Variants in MTMR4 observed in about 807,000 individuals in gnomAD.
The protein encoded by MTMR4 is myotubularin related protein 4, also known as phosphatidylinositol-3,5-bisphosphate 3-phosphatase MTMR4.
In MTMR4, 30 loss-of-function variants were observed where a neutral mutation model predicts 125.5. The ratio of observed to expected loss-of-function variants is 0.24; its 90% CI spans 0.18 to 0.32. MTMR4 has a LOEUF of 0.32. Ranked by LOEUF, MTMR4 falls within the 10% of genes least tolerant of loss-of-function variation. MTMR4 has a pLI of 1.00. For missense variants in MTMR4, 1,039 were observed against 1,511.5 expected (o/e 0.69, Z 5.18); for synonymous variants, 498 against 564.5 (o/e 0.88, Z 1.67).
At chr17:58,509,275 C>T (rs566450632) in intron 4 of MTMR4, among the ~76,000 whole-genome samples, 1 of 151,540 alleles carries the variant, frequency 6.6e-6, no homozygotes, top group East Asian at 2.0e-4. Flanking sequence ...GATAATGTCT[C>T]CTCTCTGCCT....
chr17:58,511,670 G>A (rs1274086180), intron 3 of MTMR4, among the ~76,000 whole-genome samples, 159 bp from the exon 4 acceptor site: 1 of 152,226 alleles, frequency 6.6e-6, no homozygotes, highest in Non-Finnish European at 1.5e-5. Flanking sequence ...CTCTGCATAT[G>A]TGATCCCAAT....
At position 58,491,510 on chromosome 17, in the gene MTMR4, C is replaced by G. The variant is rs1245757656; in HGVS notation, c.*153G>C. On this transcript the variant is annotated 3_prime_UTR_variant, in exon 18 of 18. Coordinates refer to ENST00000682306, the MANE Select transcript of MTMR4 (RefSeq NM_001378067.1). ...GACCTCCTGCTAAATTGCAATTCCTCTGCTCCAGTTTCATGATACCAAGGA... is the reference window on the plus strand; with the variant it reads ...GACCTCCTGCTAAATTGCAATTCCTGTGCTCCAGTTTCATGATACCAAGGA... The G allele has an allele frequency of 6.5e-6, 5 of 768,266 alleles. No homozygotes were observed. The highest frequency in any genetic ancestry group is 8.0e-6 in the Non-Finnish European group (4 of 497,546). The allele number at this position is 768,266 out of a possible 1,614,324, so 47.6% of individuals were successfully genotyped here.
At chr17:58,516,346 G>A (rs972265723), upstream of MTMR4, among the ~76,000 whole-genome samples, 1 of 152,172 alleles carries the variant, frequency 6.6e-6, no homozygotes, top group African/African-American at 2.4e-5. Context: ...GGAAAGTGTG[G>A]GGCCTAGCAC....
rs1246244582 is a variant in MTMR4, at chr17:58,496,261, T to C, written c.1923A>G (p.Thr641=). The part of the protein sequence containing the change: ...ACDTSSPLTR[T]SSDPNLNNHC... The stretch of plus-strand genomic sequence containing the variant: ...GGTTATTCAGGTTAGGGTCACTGGA[T>C]GTACGAGTCAGGGGGCTGCTTGTGT... Residue 641 remains threonine, a synonymous_variant, in exon 15 of 18, where the codon ACA becomes ACG. Coordinates refer to ENST00000682306, the MANE Select transcript of MTMR4 (RefSeq NM_001378067.1). 6.2e-7 allele frequency: 1 copy of C among 1,614,050 alleles called. No homozygotes were observed. The highest frequency in any genetic ancestry group is 1.7e-5 in the Admixed American group (1 of 59,984).
rs1975929211 is a variant in MTMR4 at position 58,511,455 on chromosome 17, A to T, written c.309T>A (p.Ile103=). The T allele has an allele frequency of 6.2e-7, 1 of 1,612,648 alleles. No individual in the cohort carries two copies. Among genetic ancestry groups the T allele is most frequent in the South Asian group, 1.1e-5 (1 of 90,568 alleles). The part of the protein sequence containing the change: ...VESRDMFQLH[I]SCKDSKVVRC... ...TCACCACTTTGGAGTCCTTGCAGGAAATGTGCAACTGGAACATATCACGGC... is the reference window on the plus strand; with the variant it reads ...TCACCACTTTGGAGTCCTTGCAGGATATGTGCAACTGGAACATATCACGGC... The change falls in exon 4 of 18, where the codon ATT becomes ATA. Residue 103 remains isoleucine, a synonymous_variant. Coordinates refer to ENST00000682306, the MANE Select transcript of MTMR4 (RefSeq NM_001378067.1).
chr17:58,509,562 T>C (rs1470940960), intron 4 of MTMR4, among the ~76,000 whole-genome samples: 2 of 151,572 alleles, frequency 1.3e-5, no homozygotes, highest in Admixed American at 6.6e-5. Context: ...GAGACCATAA[T>C]TGTGCACCAC....
chr17:58,492,114 G>A (rs1445429717), intron 17 of MTMR4, among the ~76,000 whole-genome samples: 1 of 152,190 alleles, frequency 6.6e-6, no homozygotes, highest in East Asian at 1.9e-4. Context: ...ATAAAGAGGT[G>A]TCCACTTCCA....
Position 58,508,623 on chromosome 17 carries a change from G to A in MTMR4, c.496+58C>T. 1.2e-6 allele frequency: 2 copies of A among 1,614,094 alleles called. No individual in the cohort carries two copies. Among genetic ancestry groups the A allele is most frequent in the South Asian group, 2.2e-5 (2 of 91,080 alleles). On this transcript the variant is annotated intron_variant, in intron 5 of 17. Coordinates refer to ENST00000682306, the MANE Select transcript of MTMR4 (RefSeq NM_001378067.1). The surrounding 1 kb of genome is among the most constrained non-coding windows in gnomAD (Gnocchi z 4.8). ...AGAGCACCAATGTGCAGGAGTGGAG[G>A]AGGGATGAGAACTAAGGGGTAAGAA... is the stretch of plus-strand genomic sequence containing the variant.
intron 7 of MTMR4, 199 bp downstream of exon 7, chr17:58,507,962 A>G: frequency 1.9e-6 from 1 of 518,756 alleles, no homozygotes; most frequent in East Asian, 3.5e-5. Flanking sequence ...CACTCTAAAA[A>G]AAGGGGGGGA....
chr17:58,514,534 G>A lies in MTMR4; in HGVS notation c.-127C>T, dbSNP rs1976031583. On this transcript the variant is annotated 5_prime_UTR_variant, in exon 1 of 18. Transcript: ENST00000682306. ...CAGCCGCGGCGGCCAAGAGGCTAGG[G>A]CGCTGGTGGCCGGGCCTCCGCGCGG... 1 of 985,140 alleles carries A rather than the reference G, an allele frequency of 1.0e-6. No individual in the cohort carries two copies. Among genetic ancestry groups the A allele is most frequent in the Non-Finnish European group, 1.2e-6 (1 of 829,872 alleles). The allele number at this position is 985,140 out of a possible 1,614,324, so 61.0% of individuals were successfully genotyped here.
chr17:58,497,176 A>G (rs972398028), intron 14 of MTMR4, among the ~76,000 whole-genome samples: 2 of 152,246 alleles, frequency 1.3e-5, no homozygotes, highest in African/African-American at 4.8e-5. Context: ...TAGAGGCTTC[A>G]CTGGCCTCCT....
chr17:58,516,453 T>A (rs970319164), upstream of MTMR4: 17 of 970,460 alleles, frequency 1.8e-5, no homozygotes, highest in African/African-American at 1.1e-4. Flanking sequence ...CCAGGGCAGA[T>A]GAACATGTTT....
chr17:58,498,011 C>T (rs1221832849), intron 14 of MTMR4, among the ~76,000 whole-genome samples: 1 of 152,082 alleles, frequency 6.6e-6, no homozygotes, highest in Non-Finnish European at 1.5e-5. Flanking sequence ...GCAGATCTCT[C>T]GAGGCCACAA....
rs140471103 is a variant in MTMR4, at chr17:58,497,840, A to C, written c.1854-1510T>G. ...CAAGACCTACTGAATAAGAATGGCC[A>C]AGAGTGGGGCCTAGGGATCTGTATT... On this transcript the variant is annotated intron_variant, in intron 14 of 17. Coordinates refer to ENST00000682306, the MANE Select transcript of MTMR4 (RefSeq NM_001378067.1). Among the ~76,000 whole-genome samples the C allele has an allele frequency of 6.8e-3, 884 of 130,926 alleles. 6 individuals are homozygous for C. Among genetic ancestry groups the C allele is most frequent in the African/African-American group, 0.01 (388 of 37,348 alleles). The allele number at this position is 130,926 out of a possible 152,430, so 85.9% of individuals were successfully genotyped here.
At chr17:58,510,726 TCAC>T (rs938705055) in intron 4 of MTMR4, 1 of 152,064 alleles carries the variant, frequency 6.6e-6, no homozygotes, top group African/African-American at 2.4e-5. Context: ...TCCCCACGCA[TCAC>T]CACACCTGGC....
At chr17:58,513,110 G>A (rs115180425) in intron 1 of MTMR4, among the ~76,000 whole-genome samples, 169 bp from the exon 2 acceptor site, 1 of 152,326 alleles carries the variant, frequency 6.6e-6, no homozygotes, top group African/African-American at 2.4e-5. Context: ...ACAGGGAAGG[G>A]TGAAATGGAG....
At chr17:58,501,347 T>C (rs1457430667) in intron 14 of MTMR4, among the ~76,000 whole-genome samples, 1 of 151,872 alleles carries the variant, frequency 6.6e-6, no homozygotes, top group Non-Finnish European at 1.5e-5. Context: ...CTACAAAAAA[T>C]AAAAATTGGC....
chr17:58,506,380 G>A (rs777090833), intron 9 of MTMR4, among the ~76,000 whole-genome samples: 1 of 152,120 alleles, frequency 6.6e-6, no homozygotes, highest in Non-Finnish European at 1.5e-5. Context: ...ATAGAGGCAG[G>A]GTTTCACCAT....
rs748777150 is a variant in MTMR4 at position 58,492,576 on chromosome 17, A to T, written c.3387T>A (p.His1129Gln). ...ETEVTRWVPD[H>Q]MASHCYNCDC... is the part of the protein sequence containing the mutation. ...CACAGTTATAGCAGTGTGATGCCAT[A>T]TGGTCTGGAACCCAGCGAGTCACCT... The change falls in exon 17 of 18, where the codon CAT (histidine) becomes CAA (glutamine). Residue 1129 changes from histidine (H) to glutamine (Q), a missense_variant. This residue lies in a region of MTMR4 where 60 missense variants were observed against 129.6 expected (regional missense o/e 0.46). Transcript: ENST00000682306. The T allele has an allele frequency of 6.2e-7, 1 of 1,614,000 alleles. No homozygotes were observed. Among genetic ancestry groups the T allele is most frequent in the Non-Finnish European group, 8.5e-7 (1 of 1,179,998 alleles).
Sources: gnomAD v4.1 joint callset for allele counts (sites outside exome capture counted in the v4.1 genomes callset) on GRCh38, gnomAD v4.1.1 for gene constraint, gnomAD v4.1.1 regional missense constraint, Gnocchi (gnomAD v3.1) non-coding constraint, MANE v1.5 for transcripts, NCBI Gene and HGNC (gene_info 2026-07-23, HGNC 2026-07-21) for gene names.